WDFY4: variants seen among roughly 807,000 people sequenced by gnomAD.
WDFY4 encodes the protein WDFY family member 4, also known as WD repeat- and FYVE domain-containing protein 4.
Under a neutral mutation model 351.9 loss-of-function variants are expected in WDFY4, and 169 were observed. That is an observed-to-expected ratio of 0.48 (90% CI 0.42 to 0.55). The LOEUF is 0.55. Among genes scored for constraint, WDFY4 ranks in the 20% least tolerant of loss-of-function variants. The pLI, the probability that WDFY4 is intolerant of heterozygous loss-of-function variation, is 0.00. For missense variants in WDFY4, 3,803 were observed against 3,935.6 expected (o/e 0.97, Z 0.90); for synonymous variants, 1,622 against 1,574.6 (o/e 1.03, Z -0.71).
chr10:48,848,533 T>G (rs928832221), intron 39 of WDFY4, among the ~76,000 whole-genome samples: 4 of 152,134 alleles, frequency 2.6e-5, no homozygotes, highest in African/African-American at 4.8e-5. Flanking sequence ...TCATGCTGGG[T>G]CTCTTTAATC....
intron 17 of WDFY4, among the ~76,000 whole-genome samples, chr10:48,777,916 C>T (rs763452927): frequency 1.1e-4 from 17 of 152,320 alleles, no homozygotes; most frequent in African/African-American, 3.8e-4. Flanking sequence ...TGGCTCATTT[C>T]GCTGGTGACT....
intron 13 of WDFY4, among the ~76,000 whole-genome samples, chr10:48,772,538 A>AT (rs1565180131): frequency 3.3e-5 from 1 of 30,554 alleles, no homozygotes; most frequent in Admixed American, 3.2e-4. Context: ...TTTTTTTTGC[A>AT]TTTTCTTTTT....
rs573178287 is a variant in WDFY4 at position 48,723,561 on chromosome 10, C to G, written c.585C>G (p.Phe195Leu). 6.4e-7 allele frequency: 1 copy of G among 1,551,864 alleles called. No homozygotes were observed. Among genetic ancestry groups the G allele is most frequent in the Admixed American group, 2.0e-5 (1 of 51,016 alleles). The change falls in exon 5 of 62, where the codon TTC becomes TTG. Residue 195 changes from phenylalanine to leucine, a missense_variant. Phe to Leu is a conservative substitution (Grantham distance 22). Transcript: ENST00000325239. Reference protein sequence around the residue: ...LESDLQVQKMFVQMLLNICSD... With the variant: ...LESDLQVQKMLVQMLLNICSD... ...GTGATCTTCAAGTTCAAAAGATGTTCGTGCAGGTGAGTTCAAGGAGGGCCT... is the reference window on the plus strand; with the variant it reads ...GTGATCTTCAAGTTCAAAAGATGTTGGTGCAGGTGAGTTCAAGGAGGGCCT...
chr10:48,848,577 G>C (rs2940711), intron 39 of WDFY4, among the ~76,000 whole-genome samples: 1 of 152,174 alleles, frequency 6.6e-6, no homozygotes, highest in East Asian at 1.9e-4. Flanking sequence ...TGGGCAGGGG[G>C]TGACCAGCTG....
chr10:48,876,084 G>T (rs2069992351), intron 42 of WDFY4, among the ~76,000 whole-genome samples: 1 of 152,172 alleles, frequency 6.6e-6, no homozygotes, highest in Non-Finnish European at 1.5e-5. Flanking sequence ...CTGGGTGTCT[G>T]TGACCCTGGG....
At chr10:48,975,269 T>G in intron 58 of WDFY4, 2 of 653,686 alleles carry the variant, frequency 3.1e-6, no homozygotes, top group Non-Finnish European at 5.2e-6. Flanking sequence ...GTGGGAAGTG[T>G]CTGCTTTGCT....
intron 11 of WDFY4, among the ~76,000 whole-genome samples, chr10:48,738,267 T>G (rs2064737445): frequency 3.3e-5 from 5 of 152,382 alleles, no homozygotes; most frequent in Admixed American, 3.3e-4. Context: ...TTCCTTTTGT[T>G]TACTCTGTAG....
chr10:48,943,448 A>T lies in WDFY4; in HGVS notation c.7748A>T (p.Glu2583Val), dbSNP rs765857089. ...FPWVLADYTSETLNLANPKIF... is the reference protein window; with the variant it reads ...FPWVLADYTSVTLNLANPKIF... ...TGGGTCCTCGCAGACTACACCTCAG[A>T]GGTAAGTTCCTCACGTGGAAACCAC... The change falls in exon 49 of 62, where the codon GAG (glutamate) becomes GTG (valine). Residue 2583 changes from glutamate to valine, a missense_variant and splice_region_variant. Glu to Val is a moderately radical substitution (Grantham distance 121). Around this residue, in one of 3 missense-constraint regions of WDFY4, gnomAD observed 3,054 missense variants for 3,148.6 expected, o/e 0.97. Coordinates refer to ENST00000325239, the MANE Select transcript of WDFY4 (RefSeq NM_001394531.1). 18 of 1,551,484 alleles carry T rather than the reference A, an allele frequency of 1.2e-5. No homozygotes were observed. The South Asian group carries it at 2.1e-4, about 18-fold the overall frequency.
At chr10:48,766,261 C>G (rs2065667268) in intron 13 of WDFY4, among the ~76,000 whole-genome samples, 1 of 152,164 alleles carries the variant, frequency 6.6e-6, no homozygotes, top group African/African-American at 2.4e-5. Context: ...AGGTTCTGGT[C>G]AAAATCCAGG....
At chr10:48,934,594 T>A (rs1019656488) in intron 47 of WDFY4, among the ~76,000 whole-genome samples, 5 of 152,246 alleles carry the variant, frequency 3.3e-5, no homozygotes, top group Non-Finnish European at 7.3e-5. Flanking sequence ...TAACCACTTA[T>A]TAGTGGGTTC....
chr10:48,858,567 A>G (rs1008619726), intron 39 of WDFY4, among the ~76,000 whole-genome samples: 1 of 152,200 alleles, frequency 6.6e-6, no homozygotes, highest in African/African-American at 2.4e-5. Context: ...CTATATGTCT[A>G]TTCCTCTCTC....
At chr10:48,865,170 A>T (rs1325280553) in intron 39 of WDFY4, among the ~76,000 whole-genome samples, 1 of 152,228 alleles carries the variant, frequency 6.6e-6, no homozygotes, top group Admixed American at 6.5e-5. Flanking sequence ...CTTCACCACC[A>T]AGTATAATGT....
At chr10:48,765,275 G>T (rs903822848) in intron 13 of WDFY4, among the ~76,000 whole-genome samples, 3 of 152,152 alleles carry the variant, frequency 2.0e-5, no homozygotes, top group Non-Finnish European at 4.4e-5. Context: ...TACCATAGAG[G>T]GCAGACTTCA....
At chr10:48,810,940 C>T (rs1187646706) in intron 29 of WDFY4, among the ~76,000 whole-genome samples, 3 of 152,196 alleles carry the variant, frequency 2.0e-5, no homozygotes, top group Non-Finnish European at 4.4e-5. Flanking sequence ...ACTGCACAGA[C>T]ACTGGAGGCT....
rs777144821 is a variant in WDFY4, at chr10:48,721,253, T to C, written c.350-8T>C. The C allele has an allele frequency of 2.4e-4, 375 of 1,551,594 alleles. 1 individual carries two copies. The highest frequency in any genetic ancestry group is 3.0e-4 in the Non-Finnish European group (345 of 1,146,906). Reference sequence around the variant, plus strand: ...GCTGTATGCCCTGCTGGTGACACTTTCTTCCAGAGCAAGCTCGGTTGGCAG... The same window carrying C: ...GCTGTATGCCCTGCTGGTGACACTTCCTTCCAGAGCAAGCTCGGTTGGCAG... On this transcript the variant is annotated splice_region_variant and splice_polypyrimidine_tract_variant and intron_variant, in intron 3 of 61. Transcript: ENST00000325239.
intron 39 of WDFY4, among the ~76,000 whole-genome samples, chr10:48,845,313 G>A (rs896662986): frequency 6.6e-6 from 1 of 152,114 alleles, no homozygotes; most frequent in Admixed American, 6.6e-5. Context: ...ACACTGAGAG[G>A]GCTTCCTTCA....
At chr10:48,943,202 C>A in intron 48 of WDFY4, 128 bp from the exon 49 acceptor site, 1 of 1,100,604 alleles carries the variant, frequency 9.1e-7, no homozygotes, top group Non-Finnish European at 1.3e-6. Flanking sequence ...CACAAAGTAA[C>A]CGAGGGGCTG....
At chr10:48,851,868 T>C (rs2068968040) in intron 39 of WDFY4, among the ~76,000 whole-genome samples, 1 of 152,234 alleles carries the variant, frequency 6.6e-6, no homozygotes, top group South Asian at 2.1e-4. Flanking sequence ...AAGTTCTGAC[T>C]TGTCTCCTGC....
chr10:48,822,058 C>T (rs924630942), intron 34 of WDFY4, among the ~76,000 whole-genome samples: 2 of 152,128 alleles, frequency 1.3e-5, no homozygotes, highest in Non-Finnish European at 2.9e-5. Context: ...GCAGCAGGGC[C>T]CCTGGTCATC....
Sources: allele counts gnomAD v4.1 joint callset (sites outside exome capture counted in the v4.1 genomes callset), GRCh38; gene constraint gnomAD v4.1.1; regional missense constraint gnomAD v4.1.1; transcripts MANE v1.5; gene names NCBI Gene and HGNC (gene_info 2026-07-23, HGNC 2026-07-21).